Variants in TENM3 observed in about 807,000 individuals in gnomAD.
TENM3 encodes teneurin transmembrane protein 3.
Under a neutral mutation model 255.1 loss-of-function variants are expected in TENM3, and 63 were observed. The observed-to-expected ratio is 0.25, with a 90% CI of 0.20 to 0.30. The LOEUF is 0.30. Ranked by LOEUF, TENM3 falls within the 10% of genes least tolerant of loss-of-function variation. TENM3 has a pLI of 1.00. For synonymous variants in TENM3, 1,306 were observed against 1,322.3 expected (o/e 0.99, Z 0.27); for missense variants, 2,929 against 3,461.1 (o/e 0.85, Z 3.86).
At chr4:182,122,862 T>C in the TENM3 span, among the ~76,000 whole-genome samples, 1 of 152,220 alleles carries the variant, frequency 6.6e-6, no homozygotes, top group Non-Finnish European at 1.5e-5. Flanking sequence ...AAAGCTGTTT[T>C]CATCTACATT....
rs557787224 is a variant in TENM3, at chr4:182,168,714, T to C, written c.-76+23960T>C. On this transcript the variant is annotated intron_variant, in intron 1 of 2. Coordinates refer to the TENM3 transcript ENST00000512480. ...TGTATATAAAAGTTTAAGATGTAACTTTAAATGAACATGAATTATAGGTAT... is the reference window on the plus strand; with the variant it reads ...TGTATATAAAAGTTTAAGATGTAACCTTAAATGAACATGAATTATAGGTAT... Among the ~76,000 whole-genome samples, 7 of 152,334 alleles carry C rather than the reference T, an allele frequency of 4.6e-5. No individual in the cohort carries two copies. In the South Asian group the frequency reaches 1.0e-3, roughly 23 times the overall value.
chr4:181,848,854 T>C, the TENM3 span, among the ~76,000 whole-genome samples: 3 of 152,134 alleles, frequency 2.0e-5, no homozygotes, highest in African/African-American at 7.2e-5. Flanking sequence ...TTGGGGCAAC[T>C]GGAGTAGTAA....
At chr4:182,143,574 TAAG>T (rs954403002), upstream of TENM3, 7 of 166,784 alleles carry the variant, frequency 4.2e-5, no homozygotes, top group African/African-American at 9.7e-5. This position sits in a 1 kb window ranked among gnomAD's most constrained non-coding sequence, Gnocchi z 4.3. Context: ...AGTAGTTTTC[TAAG>T]AAGGTTAGAG....
At chr4:181,847,995 CAG>C in the TENM3 span, among the ~76,000 whole-genome samples, 2 of 152,042 alleles carry the variant, frequency 1.3e-5, no homozygotes, top group Non-Finnish European at 2.9e-5. Flanking sequence ...AGTTAAAGAC[CAG>C]AGAGTTGTTT....
chr4:181,546,867 GTTGTGTGTATTGGGGA>G, the TENM3 span, among the ~76,000 whole-genome samples: 1 of 151,478 alleles, frequency 6.6e-6, no homozygotes, highest in African/African-American at 2.4e-5. Context: ...GTTTTTGTTT[GTTGTGTGTATTGGGGA>G]TTTTTGTTTG....
chr4:181,784,205 C>A, the TENM3 span, among the ~76,000 whole-genome samples: 1 of 151,396 alleles, frequency 6.6e-6, no homozygotes, highest in Non-Finnish European at 1.5e-5. Context: ...GACACATGCC[C>A]TTTGTTATTT....
chr4:181,832,944 G>T, the TENM3 span, among the ~76,000 whole-genome samples: 1 of 152,140 alleles, frequency 6.6e-6, no homozygotes, highest in Non-Finnish European at 1.5e-5. Flanking sequence ...ACTAGTGGTG[G>T]ACACAATCAC....
At chr4:181,816,488 G>A in the TENM3 span, among the ~76,000 whole-genome samples, 30 of 152,150 alleles carry the variant, frequency 2.0e-4, no homozygotes, top group African/African-American at 6.0e-4. Context: ...CCTTCCTTTC[G>A]TCAGGTTATT....
chr4:181,605,513 A>G, the TENM3 span, among the ~76,000 whole-genome samples: 3 of 20,896 alleles, frequency 1.4e-4, no homozygotes, highest in Non-Finnish European at 2.5e-4. Flanking sequence ...AAAGAAAGAA[A>G]GAAAGAAAGA....
In TENM3 at chr4:182,719,548, T is replaced by C. The variant is rs908340517; in HGVS notation, c.2368+5315T>C. 4.6e-5 allele frequency among the ~76,000 whole-genome samples: 7 copies of C among 151,984 alleles called. No homozygotes were observed. In the East Asian group the frequency reaches 5.8e-4, roughly 13 times the overall value. ...TGCTGGGATTACAGGCATGAACCAC[T>C]GCGCCTGGCCTAGAGCTATCTTTTA... On this transcript the variant is annotated intron_variant, in intron 13 of 27. Transcript: ENST00000511685.
chr4:182,571,773 T>G (rs1302729276), intron 3 of TENM3, among the ~76,000 whole-genome samples: 1 of 152,206 alleles, frequency 6.6e-6, no homozygotes, highest in African/African-American at 2.4e-5. Flanking sequence ...ATGTAGATTT[T>G]TCCAAGTGTA....
the TENM3 span, among the ~76,000 whole-genome samples, chr4:182,018,006 G>C: frequency 6.6e-6 from 1 of 152,158 alleles, no homozygotes. Flanking sequence ...TTATGGTGAG[G>C]CAGGAAAATA....
Position 182,357,232 on chromosome 4 carries a change from C to T in TENM3, c.511+10303C>T, listed in dbSNP as rs562167582. Among the ~76,000 whole-genome samples, 1,042 of 151,800 alleles carry T rather than the reference C, an allele frequency of 6.9e-3. 12 individuals carry two copies. The highest frequency in any genetic ancestry group is 0.011 in the Non-Finnish European group (722 of 67,914). On this transcript the variant is annotated intron_variant, in intron 3 of 27. Coordinates refer to ENST00000511685, the MANE Select transcript of TENM3 (RefSeq NM_001080477.4). ...ATTTATAGTCCTTTGGGTATATACCCAGTAATGGGATGGCTGGGTCAAATG... is the reference window on the plus strand; with the variant it reads ...ATTTATAGTCCTTTGGGTATATACCTAGTAATGGGATGGCTGGGTCAAATG...
intron 2 of TENM3, among the ~76,000 whole-genome samples, chr4:182,345,178 C>G (rs1470727420): frequency 1.3e-5 from 2 of 152,182 alleles, no homozygotes; most frequent in Non-Finnish European, 2.9e-5. Context: ...CTGATTCCAA[C>G]TTCTGATATG....
the TENM3 span, among the ~76,000 whole-genome samples, chr4:181,515,055 A>G: frequency 1.6e-4 from 25 of 152,242 alleles, no homozygotes; most frequent in Non-Finnish European, 3.1e-4. Context: ...GTTAAAGACA[A>G]TCTTCAATTG....
At chr4:182,671,907 G>T (rs1023565818) in intron 6 of TENM3, among the ~76,000 whole-genome samples, 1 of 151,884 alleles carries the variant, frequency 6.6e-6, no homozygotes, top group Non-Finnish European at 1.5e-5. Flanking sequence ...TAAGAGACGA[G>T]GTCTCACTGT....
chr4:181,755,299 C>T, the TENM3 span, among the ~76,000 whole-genome samples: 2 of 152,024 alleles, frequency 1.3e-5, 1 homozygote, highest in Non-Finnish European at 2.9e-5. Flanking sequence ...TTATTATTTC[C>T]ATTTAAAACT....
chr4:182,630,185 T>TA (rs1176674187), intron 5 of TENM3, among the ~76,000 whole-genome samples: 3 of 152,100 alleles, frequency 2.0e-5, no homozygotes, highest in Non-Finnish European at 4.4e-5. Context: ...TTTCTCCTTA[T>TA]AAAGACGGTC....
chr4:182,378,952 T>C (rs1328408130), intron 3 of TENM3, among the ~76,000 whole-genome samples: 1 of 151,956 alleles, frequency 6.6e-6, no homozygotes, highest in African/African-American at 2.4e-5. Flanking sequence ...TACAAATAAC[T>C]GGGTACGTGG....
Sources: gnomAD v4.1 joint callset for allele counts (sites outside exome capture counted in the v4.1 genomes callset) on GRCh38, gnomAD v4.1.1 for gene constraint, Gnocchi (gnomAD v3.1) non-coding constraint, MANE v1.5 for transcripts, NCBI Gene and HGNC (gene_info 2026-07-23, HGNC 2026-07-21) for gene names.